Variants in SVIL observed in about 807,000 individuals in gnomAD.
SVIL encodes the protein supervillin, also known as archvillin.
SVIL carries 101 observed loss-of-function variants against 240.4 expected under a neutral mutation model. The observed-to-expected ratio is 0.42, with a 90% CI of 0.36 to 0.50. The LOEUF is 0.50. SVIL is among the 20% of genes least tolerant of loss of function. The pLI is 0.01. For synonymous variants in SVIL, 999 were observed against 1,100.0 expected (o/e 0.91, Z 1.82); for missense variants, 2,512 against 2,818.7 (o/e 0.89, Z 2.46).
intron 1 of SVIL, among the ~76,000 whole-genome samples, chr10:29,633,516 G>T (rs909180007): frequency 6.6e-6 from 1 of 151,878 alleles, no homozygotes; most frequent in Admixed American, 6.6e-5. Context: ...ATTTTCAAAC[G>T]CCCCCTAGGG....
intron 3 of SVIL, among the ~76,000 whole-genome samples, chr10:29,647,633 GTGTT>G (rs1040447896): frequency 6.6e-6 from 1 of 152,006 alleles, no homozygotes; most frequent in African/African-American, 2.4e-5. Context: ...AGGTGTGTGT[GTGTT>G]TGTGTGTGTG....
chr10:29,475,792 G>GAACACCCACAC (rs1238064287), intron 29 of SVIL, among the ~76,000 whole-genome samples: 8 of 152,214 alleles, frequency 5.3e-5, no homozygotes, highest in Non-Finnish European at 4.4e-5. Context: ...TAAAAGGAAT[G>GAACACCCACAC]AGAATAACTG....
chr10:29,656,468 A>C (rs183213501), intron 3 of SVIL, among the ~76,000 whole-genome samples: 3 of 150,828 alleles, frequency 2.0e-5, no homozygotes. Flanking sequence ...TTTTTTTTTT[A>C]AAAAAAAGAA....
chr10:29,595,815 G>C (rs2479689), intron 1 of SVIL, among the ~76,000 whole-genome samples: 30,019 of 152,060 alleles, frequency 0.2, 3,129 homozygotes, highest in Middle Eastern at 0.26. Flanking sequence ...TGCCAGGCCA[G>C]CAGTTGTGGT....
At position 29,507,883 on chromosome 10, in the gene SVIL, A is replaced by G. The variant is rs148818680; in HGVS notation, c.3516+4852T>C. ...TATCAGAGCGGGGCCGGGCAGGGAC[A>G]TGGGGGAGGGAGAGACAAAACAATG... On this transcript the variant is annotated intron_variant, in intron 17 of 37. Coordinates refer to ENST00000355867, the MANE Select transcript of SVIL (RefSeq NM_021738.3). The G allele has an allele frequency of 3.4e-3, 1,948 of 572,384 alleles. 37 individuals carry two copies. Among genetic ancestry groups the G allele is most frequent in the African/African-American group, 0.034 (1,658 of 49,098 alleles). The allele number at this position is 572,384 out of a possible 1,614,324, so 35.5% of individuals were successfully genotyped here.
chr10:29,654,359 C>A (rs1369925224), intron 3 of SVIL, among the ~76,000 whole-genome samples: 3 of 151,978 alleles, frequency 2.0e-5, no homozygotes, highest in Admixed American at 1.3e-4. Flanking sequence ...GTATATATAA[C>A]AAAATTGATT....
chr10:29,564,533 C>T (rs1363890491), intron 2 of SVIL, among the ~76,000 whole-genome samples: 2 of 152,110 alleles, frequency 1.3e-5, no homozygotes, highest in Non-Finnish European at 1.5e-5. Flanking sequence ...CTGACCTTCC[C>T]CCTGTTCGGG....
At chr10:29,699,448 G>A (rs967982097) in intron 1 of SVIL, among the ~76,000 whole-genome samples, 6 of 152,082 alleles carry the variant, frequency 3.9e-5, no homozygotes, top group Admixed American at 6.5e-5. Flanking sequence ...GATTACAGGC[G>A]TGCACCACCA....
chr10:29,601,469 C>T (rs1956809034), intron 1 of SVIL, among the ~76,000 whole-genome samples: 1 of 152,244 alleles, frequency 6.6e-6, no homozygotes, highest in African/African-American at 2.4e-5. Context: ...CATCTAGCCA[C>T]TTTTGTCCCC....
Position 29,490,474 on chromosome 10 carries a change from G to A in SVIL, c.4192+373C>T, listed in dbSNP as rs576410623. On this transcript the variant is annotated intron_variant, in intron 22 of 37. Coordinates refer to ENST00000355867, the MANE Select transcript of SVIL (RefSeq NM_021738.3). ...AAAACAGGGTAATTTGTAACCGGGTGCGGTGGCTTGTGCCTGTAATCCCAG... is the reference window on the plus strand; with the variant it reads ...AAAACAGGGTAATTTGTAACCGGGTACGGTGGCTTGTGCCTGTAATCCCAG... Among the ~76,000 whole-genome samples the A allele has an allele frequency of 7.2e-5, 11 of 152,098 alleles. No individual in the cohort carries two copies. The South Asian group carries it at 2.3e-3, about 32-fold the overall frequency.
chr10:29,577,217 A>G (rs1388216657), intron 1 of SVIL, among the ~76,000 whole-genome samples: 2 of 152,164 alleles, frequency 1.3e-5, no homozygotes, highest in Non-Finnish European at 2.9e-5. Flanking sequence ...TTTTGGGTAC[A>G]GGTGGTTTTG....
rs181063736 is a variant in SVIL at position 29,505,097 on chromosome 10, C to T, written c.3517-5834G>A. Among the ~76,000 whole-genome samples the T allele has an allele frequency of 4.5e-4, 69 of 152,204 alleles. No individual in the cohort carries two copies. In the East Asian group the frequency reaches 4.8e-3, roughly 11 times the overall value. The stretch of plus-strand genomic sequence containing the variant: ...CAACACTCTGAGAGGCTGAGGTGGG[C>T]GGATCACCTGAGGTTAGGAGTTTGA... On this transcript the variant is annotated intron_variant, in intron 17 of 37. Transcript: ENST00000355867.
intron 31 of SVIL, 98 bp from the exon 32 acceptor site, chr10:29,470,581 C>T (rs1945455721): frequency 5.7e-6 from 8 of 1,412,652 alleles, no homozygotes; most frequent in South Asian, 1.2e-5. Context: ...AAGGCAGCCA[C>T]CTCCGTCCAG....
chr10:29,676,971 G>A (rs1461794851), intron 2 of SVIL, among the ~76,000 whole-genome samples: 2 of 152,000 alleles, frequency 1.3e-5, no homozygotes, highest in Non-Finnish European at 2.9e-5. Flanking sequence ...ACTTACTTAC[G>A]GACATTTCTA....
intron 1 of SVIL, among the ~76,000 whole-genome samples, chr10:29,701,470 C>G (rs183701872): frequency 6.6e-6 from 1 of 152,224 alleles, no homozygotes; most frequent in East Asian, 1.9e-4. Context: ...AGATGTATAA[C>G]GCCCAAGTTT....
intron 20 of SVIL, 96 bp downstream of exon 20, chr10:29,494,818 T>A (rs1948280823): frequency 8.1e-7 from 1 of 1,239,272 alleles, no homozygotes; most frequent in Non-Finnish European, 1.2e-6. Context: ...TAATCAGTCT[T>A]GACCAAAACT....
At chr10:29,493,094 G>A (rs537176274) in intron 21 of SVIL, 120 bp downstream of exon 21, 32 of 1,210,376 alleles carry the variant, frequency 2.6e-5, no homozygotes, top group East Asian at 1.5e-4. Context: ...TACTAACGCC[G>A]CCGTGATGGA....
chr10:29,589,261 C>T (rs544957762), intron 1 of SVIL, among the ~76,000 whole-genome samples: 5 of 152,276 alleles, frequency 3.3e-5, no homozygotes, highest in African/African-American at 4.8e-5. Context: ...CATCATCGCC[C>T]GCACGGCCTC....
chr10:29,620,978 T>C (rs1260613797), intron 1 of SVIL, among the ~76,000 whole-genome samples: 1 of 151,696 alleles, frequency 6.6e-6, no homozygotes, highest in Non-Finnish European at 1.5e-5. Flanking sequence ...ATTTTTTTTT[T>C]TTTTTTGTAG....
Sources: gnomAD v4.1 joint callset for allele counts (sites outside exome capture counted in the v4.1 genomes callset) on GRCh38, gnomAD v4.1.1 for gene constraint, MANE v1.5 for transcripts, NCBI Gene and HGNC (gene_info 2026-07-23, HGNC 2026-07-21) for gene names.